The following CSMD3 variants were observed in gnomAD, a reference collection of about 807,000 sequenced individuals.
CSMD3 encodes the protein CUB and sushi domain-containing protein 3.
CSMD3 carries 177 observed loss-of-function variants against 435.2 expected under a neutral mutation model. The observed-to-expected ratio is 0.41, with a 90% CI of 0.36 to 0.46. The LOEUF is 0.46. CSMD3 is among the 20% of genes least tolerant of loss of function. CSMD3 has a pLI of 0.34. For missense variants in CSMD3, 4,265 were observed against 4,504.6 expected (o/e 0.95, Z 1.52); for synonymous variants, 1,656 against 1,520.5 (o/e 1.09, Z -2.07).
intron 9 of CSMD3, among the ~76,000 whole-genome samples, chr8:112,941,142 A>C (rs2083439490): frequency 6.6e-6 from 1 of 151,874 alleles, no homozygotes; most frequent in Admixed American, 6.6e-5. Flanking sequence ...TTGAGTGAGC[A>C]CTTGAAGAAT....
At chr8:113,277,583 C>T (rs2093581355) in intron 3 of CSMD3, among the ~76,000 whole-genome samples, 1 of 151,930 alleles carries the variant, frequency 6.6e-6, no homozygotes, top group Admixed American at 6.6e-5. Context: ...TTTCTTTAAA[C>T]ACATTATATT....
At chr8:113,278,447 A>G (rs1206036571) in intron 3 of CSMD3, 145 bp downstream of exon 3, 2 of 648,662 alleles carry the variant, frequency 3.1e-6, no homozygotes, top group South Asian at 3.1e-5. Flanking sequence ...TTTACTATAC[A>G]TTAATGATTA....
At chr8:113,420,929 C>T (rs1283124033) in intron 1 of CSMD3, among the ~76,000 whole-genome samples, 2 of 149,372 alleles carry the variant, frequency 1.3e-5, no homozygotes, top group Non-Finnish European at 3.0e-5. Flanking sequence ...AATGAGATTC[C>T]GTTTAAAAAA....
rs571647828 is a variant in CSMD3, at chr8:112,435,089, A to G, written c.5396-26057T>C. On this transcript the variant is annotated intron_variant, in intron 32 of 70. Transcript: ENST00000297405. ...ATCAAAATAGCACTGAAGATTTTGC[A>G]GGGGAAAAGAAACCACAGACACTGT... 1.7e-4 allele frequency among the ~76,000 whole-genome samples: 26 copies of G among 152,214 alleles called. 1 individual carries two copies. The highest frequency in any genetic ancestry group is 6.0e-4 in the African/African-American group (25 of 41,574).
At chr8:112,775,827 A>G (rs575217632) in intron 13 of CSMD3, among the ~76,000 whole-genome samples, 1 of 152,024 alleles carries the variant, frequency 6.6e-6, no homozygotes, top group Non-Finnish European at 1.5e-5. Context: ...ATACATATTT[A>G]GAAAATGTGC....
chr8:112,708,712 G>A (rs1587031138), intron 13 of CSMD3, among the ~76,000 whole-genome samples: 1 of 119,542 alleles, frequency 8.4e-6, no homozygotes, highest in Admixed American at 8.3e-5. Flanking sequence ...CACCAAACAG[G>A]ACGATAGAGC....
chr8:113,187,503 T>C (rs2092524597), intron 3 of CSMD3, among the ~76,000 whole-genome samples: 1 of 152,048 alleles, frequency 6.6e-6, no homozygotes, highest in East Asian at 1.9e-4. Flanking sequence ...ACTTCTGTAG[T>C]TAAATTACAA....
At chr8:113,398,010 A>G (rs181572464) in intron 1 of CSMD3, among the ~76,000 whole-genome samples, 430 of 152,188 alleles carry the variant, frequency 2.8e-3, no homozygotes, top group African/African-American at 8.7e-3. Context: ...ACTTTCACAA[A>G]TAAAGTTGTG....
chr8:112,773,107 G>C (rs193095574), intron 13 of CSMD3, among the ~76,000 whole-genome samples: 1 of 151,960 alleles, frequency 6.6e-6, no homozygotes, highest in East Asian at 1.9e-4. Context: ...TCCACCTGAC[G>C]AGAAACGCTT....
intron 1 of CSMD3, among the ~76,000 whole-genome samples, chr8:113,378,316 T>C (rs1167942599): frequency 1.3e-5 from 2 of 152,214 alleles, no homozygotes; most frequent in African/African-American, 2.4e-5. Context: ...GTGTCAGTCC[T>C]GTGCCAAGAC....
chr8:112,478,772 C>A (rs1250874237), intron 31 of CSMD3, among the ~76,000 whole-genome samples: 1 of 152,154 alleles, frequency 6.6e-6, no homozygotes, highest in African/African-American at 2.4e-5. Flanking sequence ...TGGATGAAAC[C>A]CGCGACCCAG....
At chr8:112,272,783 A>G (rs1225588409) in intron 59 of CSMD3, among the ~76,000 whole-genome samples, 1 of 152,192 alleles carries the variant, frequency 6.6e-6, no homozygotes, top group South Asian at 2.1e-4. Context: ...CCACATATAA[A>G]CACTATCACT....
intron 66 of CSMD3, among the ~76,000 whole-genome samples, chr8:112,241,071 T>G (rs1814086067): frequency 6.6e-6 from 1 of 152,086 alleles, no homozygotes; most frequent in South Asian, 2.1e-4. Flanking sequence ...ATTCATATAT[T>G]GAGCCCTTAC....
chr8:113,338,401 A>C (rs2094093181), intron 1 of CSMD3, among the ~76,000 whole-genome samples: 1 of 151,980 alleles, frequency 6.6e-6, no homozygotes, highest in African/African-American at 2.4e-5. Flanking sequence ...CTCATGAGAA[A>C]TAAAACAGAT....
chr8:112,569,833 TCC>T (rs1156657503), intron 24 of CSMD3, among the ~76,000 whole-genome samples: 1 of 152,108 alleles, frequency 6.6e-6, no homozygotes, highest in Admixed American at 6.6e-5. Context: ...CTGTAATACT[TCC>T]CACAATTATT....
chr8:113,330,429 T>C (rs1032232256), intron 1 of CSMD3, among the ~76,000 whole-genome samples: 2 of 151,936 alleles, frequency 1.3e-5, no homozygotes, highest in Non-Finnish European at 2.9e-5. Flanking sequence ...AGCAAACAAA[T>C]AGCAAAATGA....
chr8:112,814,951 A>G (rs2079331540), intron 12 of CSMD3, among the ~76,000 whole-genome samples: 1 of 143,286 alleles, frequency 7.0e-6, no homozygotes, highest in Non-Finnish European at 1.5e-5. Flanking sequence ...TATTTTTTGT[A>G]TTATACAAAT....
intron 1 of CSMD3, among the ~76,000 whole-genome samples, chr8:113,363,884 C>T (rs192332577): frequency 1.3e-3 from 198 of 152,196 alleles, no homozygotes; most frequent in African/African-American, 4.5e-3. Context: ...TAATGTCTAA[C>T]TTATCAATTA....
chr8:112,983,976 T>C (rs1046290197), intron 6 of CSMD3, among the ~76,000 whole-genome samples: 1 of 152,002 alleles, frequency 6.6e-6, no homozygotes, highest in African/African-American at 2.4e-5. Flanking sequence ...TTGTAGAGCA[T>C]TTGGTATTCT....
Sources: gnomAD v4.1 joint callset for allele counts (sites outside exome capture counted in the v4.1 genomes callset) on GRCh38, gnomAD v4.1.1 for gene constraint, MANE v1.5 for transcripts, NCBI Gene and HGNC (gene_info 2026-07-23, HGNC 2026-07-21) for gene names.